Variants in RFX3 observed in about 807,000 individuals in gnomAD.
RFX3 encodes regulatory factor X3.
Under a neutral mutation model 98.6 loss-of-function variants are expected in RFX3, and 14 were observed. That is an observed-to-expected ratio of 0.14 (90% CI 0.09 to 0.22). The LOEUF (loss-of-function observed/expected upper bound fraction) is 0.22, where lower values mean the gene tolerates loss of function less well. Among genes scored for constraint, RFX3 ranks in the 10% least tolerant of loss-of-function variants. The pLI, the probability that RFX3 is intolerant of heterozygous loss-of-function variation, is 1.00. For missense variants in RFX3, 639 were observed against 926.9 expected (o/e 0.69, Z 4.03); for synonymous variants, 383 against 328.4 (o/e 1.17, Z -1.80).
chr9:3,273,456 T>A (rs914106312), intron 9 of RFX3, among the ~76,000 whole-genome samples: 2 of 152,184 alleles, frequency 1.3e-5, no homozygotes, highest in Admixed American at 1.3e-4. Context: ...CAAAGACTAT[T>A]TCAACCTTAT....
chr9:3,451,184 G>C (rs1025462926), intron 1 of RFX3, among the ~76,000 whole-genome samples: 2 of 152,154 alleles, frequency 1.3e-5, no homozygotes, highest in African/African-American at 4.8e-5. Flanking sequence ...GGAACAATTT[G>C]AGCAATAAAA....
intron 1 of RFX3, among the ~76,000 whole-genome samples, chr9:3,462,940 T>C (rs1391170041): frequency 6.6e-6 from 1 of 152,112 alleles, no homozygotes; most frequent in Non-Finnish European, 1.5e-5. Context: ...AAGAGACATA[T>C]CATGTTCGTG....
intron 1 of RFX3, among the ~76,000 whole-genome samples, chr9:3,443,455 G>A (rs1845773801): frequency 6.6e-6 from 1 of 152,134 alleles, no homozygotes; most frequent in Non-Finnish European, 1.5e-5. Flanking sequence ...AAGATGTGGT[G>A]TTTGGTTTTC....
chr9:3,445,335 C>T (rs1024067577), intron 1 of RFX3, among the ~76,000 whole-genome samples: 2 of 150,962 alleles, frequency 1.3e-5, no homozygotes, highest in Non-Finnish European at 3.0e-5. Flanking sequence ...ATAGCCACTA[C>T]TTAGTGAATA....
intron 15 of RFX3, among the ~76,000 whole-genome samples, chr9:3,243,445 G>C (rs1448576689): frequency 2.0e-5 from 3 of 152,064 alleles, no homozygotes; most frequent in African/African-American, 4.8e-5. Flanking sequence ...GCTGTTTCCA[G>C]CTTAGGGGAG....
At chr9:3,525,522 G>A (rs1051487124) in intron 1 of RFX3, among the ~76,000 whole-genome samples, 5 of 151,900 alleles carry the variant, frequency 3.3e-5, no homozygotes, top group Admixed American at 6.6e-5. Context: ...GGGCGGCGCG[G>A]CGCCCACACC....
chr9:3,322,023 T>C (rs1178311332), intron 4 of RFX3, among the ~76,000 whole-genome samples: 3 of 152,110 alleles, frequency 2.0e-5, no homozygotes, highest in Non-Finnish European at 4.4e-5. Context: ...TTAATTATTA[T>C]AATTTTATAT....
intron 16 of RFX3, among the ~76,000 whole-genome samples, chr9:3,225,859 A>G (rs117614766): frequency 4.0e-4 from 61 of 152,330 alleles, no homozygotes; most frequent in Non-Finnish European, 7.2e-4. Context: ...TATAAAAATT[A>G]TTAAGGTTGA....
At chr9:3,279,947 A>C (rs1324234765) in intron 7 of RFX3, among the ~76,000 whole-genome samples, 1 of 151,848 alleles carries the variant, frequency 6.6e-6, no homozygotes, top group Non-Finnish European at 1.5e-5. Context: ...GAAGGAGGTA[A>C]GTTGGTAAAT....
chr9:3,261,698 G>A (rs1822916696), intron 13 of RFX3, among the ~76,000 whole-genome samples: 1 of 152,076 alleles, frequency 6.6e-6, no homozygotes, highest in African/African-American at 2.4e-5. Context: ...GTAACTATAT[G>A]TTTATCTTTT....
chr9:3,255,788 C>T lies in RFX3; in HGVS notation c.1814+1203G>A, dbSNP rs369542966. 4.1e-4 allele frequency among the ~76,000 whole-genome samples: 63 copies of T among 152,262 alleles called. 1 individual carries two copies. Among genetic ancestry groups the T allele is most frequent in the African/African-American group, 1.5e-3 (62 of 41,558 alleles). On this transcript the variant is annotated intron_variant, in intron 14 of 16. Coordinates refer to ENST00000617270, the MANE Select transcript of RFX3 (RefSeq NM_001282116.2). ...TGTCATGTAATCAGAAAGCCCTTTT[C>T]TTCTGGGTGCTTCTATGTCTACAAA...
chr9:3,334,065 C>A (rs1170914731), intron 3 of RFX3, among the ~76,000 whole-genome samples: 1 of 152,082 alleles, frequency 6.6e-6, no homozygotes, highest in South Asian at 2.1e-4. Context: ...CTGGAATCTA[C>A]ACTTAATGTA....
intron 2 of RFX3, among the ~76,000 whole-genome samples, chr9:3,389,137 T>C (rs1485871514): frequency 6.6e-6 from 1 of 152,178 alleles, no homozygotes; most frequent in African/African-American, 2.4e-5. Context: ...GTCAAAGTTC[T>C]ACCTTGAAAA....
chr9:3,521,746 C>T (rs773034387), intron 1 of RFX3, among the ~76,000 whole-genome samples: 4 of 152,034 alleles, frequency 2.6e-5, no homozygotes, highest in Non-Finnish European at 5.9e-5. Context: ...ACAAAAACAA[C>T]ACCTATTTCC....
Position 3,219,780 on chromosome 9 carries a change from G to A in RFX3, c.*5262C>T, listed in dbSNP as rs1330382162. 6.6e-6 allele frequency: 1 copy of A among 152,176 alleles called. No individual in the cohort carries two copies. The highest frequency in any genetic ancestry group is 1.5e-5 in the Non-Finnish European group (1 of 68,026). The allele number at this position is 152,176 out of a possible 1,614,324, so 9.4% of individuals were successfully genotyped here. A position where few individuals can be genotyped will look rare whatever the true frequency, so the allele number is the denominator to read the frequency against. ...TTGAGTATTGCATGTTAACACATGAGTAATTTGCATGGTCTGACTTCCTAA... is the reference window on the plus strand; with the variant it reads ...TTGAGTATTGCATGTTAACACATGAATAATTTGCATGGTCTGACTTCCTAA... On this transcript the variant is annotated 3_prime_UTR_variant, in exon 17 of 17. Transcript: ENST00000617270.
At chr9:3,415,417 A>G (rs1367224303) in intron 1 of RFX3, among the ~76,000 whole-genome samples, 1 of 151,806 alleles carries the variant, frequency 6.6e-6, no homozygotes, top group East Asian at 1.9e-4. Context: ...GCCAATGATT[A>G]GCATTTTTAA....
At chr9:3,243,475 T>C (rs1276610580) in intron 15 of RFX3, among the ~76,000 whole-genome samples, 2 of 152,146 alleles carry the variant, frequency 1.3e-5, no homozygotes, top group African/African-American at 2.4e-5. Context: ...TAGCAGTCTT[T>C]ATTTCAAAAC....
At chr9:3,226,697 C>T (rs1048499230) in intron 16 of RFX3, among the ~76,000 whole-genome samples, 1 of 152,044 alleles carries the variant, frequency 6.6e-6, no homozygotes, top group African/African-American at 2.4e-5. Context: ...TGGAGGGCTA[C>T]AGGGAGAGGG....
intron 6 of RFX3, among the ~76,000 whole-genome samples, chr9:3,291,874 T>C (rs922034565): frequency 4.0e-5 from 6 of 151,794 alleles, no homozygotes; most frequent in African/African-American, 1.2e-4. Flanking sequence ...TGGACTAACA[T>C]GGTGAAACCC....
Sources: allele counts gnomAD v4.1 joint callset (sites outside exome capture counted in the v4.1 genomes callset), GRCh38; gene constraint gnomAD v4.1.1; transcripts MANE v1.5; gene names NCBI Gene and HGNC (gene_info 2026-07-23, HGNC 2026-07-21).